The following STK3 variants were observed in gnomAD, a reference collection of about 807,000 sequenced individuals.
STK3 encodes the protein serine/threonine-protein kinase 3.
STK3 carries 41 observed loss-of-function variants against 58.0 expected under a neutral mutation model. The observed-to-expected ratio is 0.71, with a 90% confidence interval of 0.55 to 0.92. The LOEUF is 0.92. Among genes scored for constraint, STK3 ranks in the 40% least tolerant of loss-of-function variants. The pLI is 0.00. For missense variants in STK3, 479 were observed against 602.7 expected (o/e 0.79, Z 2.15); for synonymous variants, 170 against 191.0 (o/e 0.89, Z 0.91).
chr8:98,692,428 A>C (rs1824478272), intron 6 of STK3, among the ~76,000 whole-genome samples: 1 of 152,222 alleles, frequency 6.6e-6, no homozygotes, highest in Admixed American at 6.5e-5. Flanking sequence ...TGTATAAATT[A>C]TTGAAAACAT....
At chr8:98,473,946 A>G (rs1821115798) in intron 10 of STK3, among the ~76,000 whole-genome samples, 1 of 152,142 alleles carries the variant, frequency 6.6e-6, no homozygotes, top group South Asian at 2.1e-4. Flanking sequence ...GAGTTCCAGA[A>G]CTTAGCAATT....
At chr8:98,841,331 A>G (rs1835971778) in intron 3 of STK3, among the ~76,000 whole-genome samples, 1 of 152,228 alleles carries the variant, frequency 6.6e-6, no homozygotes, top group African/African-American at 2.4e-5. Context: ...AAATGTGTAT[A>G]TAAATCAAAA....
chr8:98,858,333 G>GAA (rs1836775432), intron 3 of STK3, among the ~76,000 whole-genome samples: 1 of 120,302 alleles, frequency 8.3e-6, no homozygotes, highest in Non-Finnish European at 1.7e-5. Context: ...TAGAGAGAGA[G>GAA]AGAGAGAGAG....
chr8:98,825,506 A>C lies in STK3; in HGVS notation c.26+9T>G. ...CTTCCCTCCTTCTTCCCGCTCCCCGATTCGTTACCTCTTAGGCGCCGGCGG... is the reference window on the plus strand; with the variant it reads ...CTTCCCTCCTTCTTCCCGCTCCCCGCTTCGTTACCTCTTAGGCGCCGGCGG... On this transcript the variant is annotated intron_variant, in intron 1 of 10. Transcript: ENST00000419617. The C allele has an allele frequency of 6.9e-7, 1 of 1,452,512 alleles. No individual in the cohort carries two copies. Among genetic ancestry groups the C allele is most frequent in the Non-Finnish European group, 9.1e-7 (1 of 1,097,080 alleles). 90.0% of individuals were successfully genotyped at this position (1,452,512 alleles called of 1,614,324 possible). A position where few individuals can be genotyped will look rare whatever the true frequency, so the allele number is the denominator to read the frequency against.
At position 98,788,462 on chromosome 8, in the gene STK3, C is replaced by A. The variant is rs375295033; in HGVS notation, c.27-13643G>T. 1.1e-3 allele frequency among the ~76,000 whole-genome samples: 152 copies of A among 143,002 alleles called. 1 individual carries two copies. Among genetic ancestry groups the A allele is most frequent in the East Asian group, 7.1e-3 (35 of 4,952 alleles). 93.8% of individuals were successfully genotyped at this position (143,002 alleles called of 152,430 possible). ...CAGAAAAAACAAACAAACAAACAAACAAAAAAAAAAATACATATATAATTG... is the reference window on the plus strand; with the variant it reads ...CAGAAAAAACAAACAAACAAACAAAAAAAAAAAAAAATACATATATAATTG... On this transcript the variant is annotated intron_variant, in intron 1 of 10. Coordinates refer to ENST00000419617, the MANE Select transcript of STK3 (RefSeq NM_006281.4).
intron 6 of STK3, among the ~76,000 whole-genome samples, chr8:98,630,762 G>GAAA: frequency 6.7e-6 from 1 of 150,000 alleles, no homozygotes; most frequent in African/African-American, 2.5e-5. Context: ...AGAAGGAGAA[G>GAAA]AACAAGAAGA....
intron 3 of STK3, among the ~76,000 whole-genome samples, chr8:98,840,388 A>G (rs555237788): frequency 6.8e-6 from 1 of 146,784 alleles, no homozygotes; most frequent in South Asian, 2.2e-4. Context: ...CCTCGGCAAC[A>G]TGGTGAAACC....
At chr8:98,832,629 G>A (rs1587723902) in intron 3 of STK3, among the ~76,000 whole-genome samples, 1 of 152,298 alleles carries the variant, frequency 6.6e-6, no homozygotes, top group Middle Eastern at 3.4e-3. Context: ...AATGAGGTAT[G>A]TCTGACCGCC....
At chr8:98,741,382 T>C (rs1189716958) in intron 4 of STK3, among the ~76,000 whole-genome samples, 4 of 152,018 alleles carry the variant, frequency 2.6e-5, no homozygotes, top group Non-Finnish European at 4.4e-5. Context: ...GATCAGAAAT[T>C]ATAACAAACT....
intron 6 of STK3, among the ~76,000 whole-genome samples, chr8:98,630,590 C>A (rs1388386404): frequency 6.6e-6 from 1 of 151,654 alleles, no homozygotes; most frequent in Non-Finnish European, 1.5e-5. Flanking sequence ...CTACTGTGAA[C>A]CCTAATGGCA....
At chr8:98,809,973 T>C (rs1328213223) in intron 1 of STK3, among the ~76,000 whole-genome samples, 1 of 152,168 alleles carries the variant, frequency 6.6e-6, no homozygotes, top group Non-Finnish European at 1.5e-5. Flanking sequence ...TGCTCTGCTT[T>C]TGGGGAAGCC....
At chr8:98,582,194 C>T (rs964819990) in intron 7 of STK3, among the ~76,000 whole-genome samples, 2 of 152,030 alleles carry the variant, frequency 1.3e-5, no homozygotes, top group African/African-American at 4.8e-5. Flanking sequence ...AGAATCCTCA[C>T]CCTCTTTAAT....
intron 4 of STK3, among the ~76,000 whole-genome samples, chr8:98,735,249 T>C (rs1205265108): frequency 6.6e-6 from 1 of 152,120 alleles, no homozygotes; most frequent in Non-Finnish European, 1.5e-5. Flanking sequence ...CCAAAAGCTA[T>C]TCTAGGCACT....
chr8:98,899,885 T>C (rs533143208), intron 1 of STK3, among the ~76,000 whole-genome samples: 1 of 152,326 alleles, frequency 6.6e-6, no homozygotes, highest in East Asian at 1.9e-4. Context: ...TTTCCTCATT[T>C]ATAGAATAGC....
chr8:98,391,682 C>T (rs541303155), upstream of STK3, among the ~76,000 whole-genome samples: 4 of 152,304 alleles, frequency 2.6e-5, no homozygotes, highest in East Asian at 7.7e-4. Flanking sequence ...TTACTATTTG[C>T]TCTTGAGCGT....
chr8:98,732,498 G>A lies in STK3; in HGVS notation c.351+16778C>T, dbSNP rs144758386. Among the ~76,000 whole-genome samples, 37 of 152,204 alleles carry A rather than the reference G, an allele frequency of 2.4e-4. No homozygotes were observed. In the East Asian group the frequency reaches 4.0e-3, roughly 17 times the overall value. On this transcript the variant is annotated intron_variant, in intron 4 of 10. Transcript: ENST00000419617. ...AATTATTTTCACTGTAAAATTCTAC[G>A]TAGGCTATCAACCAAGCATAAAAGC...
At chr8:98,422,322 C>G (rs184818770) in intron 3 of STK3, among the ~76,000 whole-genome samples, 26 of 152,154 alleles carry the variant, frequency 1.7e-4, no homozygotes, top group Non-Finnish European at 2.5e-4. Flanking sequence ...CCCCTCCCCC[C>G]ACTCCAACTT....
intron 8 of STK3, chr8:98,553,239 A>T (rs1462671165): frequency 6.6e-6 from 1 of 152,144 alleles, no homozygotes. Flanking sequence ...AGACACCCCA[A>T]GATTGAATTA....
At chr8:98,611,381 C>G (rs2130207536) in intron 6 of STK3, among the ~76,000 whole-genome samples, 1 of 151,678 alleles carries the variant, frequency 6.6e-6, no homozygotes, top group South Asian at 2.1e-4. Flanking sequence ...ACATCAAAGT[C>G]TACAATCAGA....
Sources: gnomAD v4.1 joint callset for allele counts (sites outside exome capture counted in the v4.1 genomes callset) on GRCh38, gnomAD v4.1.1 for gene constraint, MANE v1.5 for transcripts, NCBI Gene and HGNC (gene_info 2026-07-23, HGNC 2026-07-21) for gene names.